The following MAVS variants were observed in gnomAD, a reference collection of about 807,000 sequenced individuals.
The protein encoded by MAVS is mitochondrial antiviral signaling protein, also known as mitochondrial antiviral-signaling protein.
A neutral mutation model predicts 30.2 loss-of-function variants in MAVS; 20 were observed. The ratio of observed to expected loss-of-function variants is 0.66; its 90% CI spans 0.47 to 0.96. The LOEUF (loss-of-function observed/expected upper bound fraction) is 0.96. Ranked by LOEUF, MAVS falls within the 40% of genes least tolerant of loss-of-function variation. The probability of loss-of-function intolerance (pLI) is 0.00; values close to 1 mark genes in which losing one functional copy is unlikely to be tolerated. For missense variants in MAVS, 624 were observed against 701.1 expected (o/e 0.89, Z 1.24); for synonymous variants, 278 against 293.9 (o/e 0.95, Z 0.55).
Position 3,864,497 on chromosome 20 carries a change from A to G in MAVS, c.867A>G (p.Ala289=), listed in dbSNP as rs1417189526. Residue 289 remains alanine, a synonymous_variant, in exon 6 of 7, where the codon GCA becomes GCG. Transcript: ENST00000428216. ...TCATCTGCTCCAGTGGGGCAGAGGCACCTGCCAACTCTCTGCCCTCCAAAG... is the reference window on the plus strand; with the variant it reads ...TCATCTGCTCCAGTGGGGCAGAGGCGCCTGCCAACTCTCTGCCCTCCAAAG... ...EPIICSSGAE[A]PANSLPSKVP... The G allele has an allele frequency of 6.2e-7, 1 of 1,613,880 alleles. No homozygotes were observed. The highest frequency in any genetic ancestry group is 2.2e-5 in the East Asian group (1 of 44,880).
At chr20:3,849,326 C>T (rs563517636) in intron 1 of MAVS, among the ~76,000 whole-genome samples, 1 of 152,060 alleles carries the variant, frequency 6.6e-6, no homozygotes, top group Non-Finnish European at 1.5e-5. Context: ...TCTCCTGCCT[C>T]AGCCTCCCGA....
chr20:3,860,018 C>T (rs563048683), intron 3 of MAVS, among the ~76,000 whole-genome samples: 20 of 151,940 alleles, frequency 1.3e-4, no homozygotes, highest in Non-Finnish European at 2.1e-4. Flanking sequence ...GGGGTTTCAC[C>T]GTGTTAGCCA....
At chr20:3,850,450 C>T (rs1600441109) in intron 1 of MAVS, among the ~76,000 whole-genome samples, 1 of 148,276 alleles carries the variant, frequency 6.7e-6, no homozygotes, top group South Asian at 2.1e-4. Context: ...ATTAGCGGGG[C>T]GTGGTGGCTC....
In MAVS at chr20:3,872,121, T is replaced by C. The variant is rs1261805443; in HGVS notation, c.*5974T>C. On this transcript the variant is annotated 3_prime_UTR_variant, in exon 7 of 7. Coordinates refer to ENST00000428216, the MANE Select transcript of MAVS (RefSeq NM_020746.5). ...TGCCTGTGAACCACAGCTTATCACA[T>C]GTCTGGAGTTAGGGACCCCACTTAA... 1.3e-5 allele frequency: 2 copies of C among 152,260 alleles called. No homozygotes were observed. The highest frequency in any genetic ancestry group is 4.8e-5 in the African/African-American group (2 of 41,402). The allele number at this position is 152,260 out of a possible 1,614,324, so 9.4% of individuals were successfully genotyped here.
chr20:3,858,045 G>A (rs1036198049), intron 3 of MAVS: 8 of 565,794 alleles, frequency 1.4e-5, no homozygotes, highest in Non-Finnish European at 2.6e-5. Context: ...GAAGCTCATG[G>A]CAGCATCTGC....
chr20:3,847,017 G>T (rs2089714897), intron 1 of MAVS, 114 bp downstream of exon 1: 1 of 152,530 alleles, frequency 6.6e-6, no homozygotes, highest in African/African-American at 2.4e-5. Flanking sequence ...GGTCTGGGGT[G>T]CGCGGGGGGC....
chr20:3,853,767 T>G (rs1293832044), intron 1 of MAVS, among the ~76,000 whole-genome samples: 1 of 152,048 alleles, frequency 6.6e-6, no homozygotes, highest in Non-Finnish European at 1.5e-5. Context: ...GCACCCAACT[T>G]GGGTGACAGA....
chr20:3,865,956 CT>C lies in MAVS; in HGVS notation c.1433del (p.Leu478ProfsTer45). ...IHVAENPSIQ[L>X]LEGNPGPPAD... ...CGTGGCTGAGAACCCCAGCATCCAG[CT>C]CCTGGAGGGCAACCCTGGGCCACCT... On this transcript the variant is annotated frameshift_variant, in exon 7 of 7. Coordinates refer to ENST00000428216, the MANE Select transcript of MAVS (RefSeq NM_020746.5). LOFTEE classifies it low-confidence loss of function (END_TRUNC). The surrounding 1 kb of genome is among the most constrained non-coding windows in gnomAD (Gnocchi z 4.7). 1 of 1,613,698 alleles carries C rather than the reference CT, an allele frequency of 6.2e-7. No individual in the cohort carries two copies. Among genetic ancestry groups the C allele is most frequent in the African/African-American group, 1.3e-5 (1 of 75,060 alleles).
rs2089896513 is a variant in MAVS, at chr20:3,865,111, T to C, written c.1158+323T>C. On this transcript the variant is annotated intron_variant, in intron 6 of 6. Coordinates refer to ENST00000428216, the MANE Select transcript of MAVS (RefSeq NM_020746.5). This position sits in a 1 kb window ranked among gnomAD's most constrained non-coding sequence, Gnocchi z 4.7. ...AAGCCGAGCGGTGCCGTTTTGCACA[T>C]AAGGAAGCAGTGACGGGGACAGCAC... Among the ~76,000 whole-genome samples, 1 of 152,146 alleles carries C rather than the reference T, an allele frequency of 6.6e-6. No individual in the cohort carries two copies. The highest frequency in any genetic ancestry group is 1.9e-4 in the East Asian group (1 of 5,188).
At position 3,857,697 on chromosome 20, in the gene MAVS, T is replaced by C. The variant is rs1192091132; in HGVS notation, c.180T>C (p.Asn60=). 2 of 1,614,140 alleles carry C rather than the reference T, an allele frequency of 1.2e-6. No individual in the cohort carries two copies. Among genetic ancestry groups the C allele is most frequent in the Non-Finnish European group, 8.5e-7 (1 of 1,180,050 alleles). The change falls in exon 3 of 7, where the codon AAT becomes AAC. Residue 60 remains asparagine, a synonymous_variant. Transcript: ENST00000428216. ...GNRDTLWHLF[N]TLQRRPGWVE... ...GGGACACCCTCTGGCATCTCTTCAA[T>C]ACCCTTCAGCGGCGGCCCGGCTGGG...
rs67931188 is a variant in MAVS at position 3,859,520 on chromosome 20, A to C, written c.292+1711A>C. Among the ~76,000 whole-genome samples, 180 of 141,824 alleles carry C rather than the reference A, an allele frequency of 1.3e-3. 5 individuals are homozygous for C. In the East Asian group the frequency reaches 0.017, roughly 13 times the overall value. 93.0% of individuals were successfully genotyped at this position (141,824 alleles called of 152,430 possible). ...GAGACTCCGTCTCCAAAAAAAAAAA[A>C]CCCAAAAATAGTGATCCCCTGAATA... On this transcript the variant is annotated intron_variant, in intron 3 of 6. Coordinates refer to ENST00000428216, the MANE Select transcript of MAVS (RefSeq NM_020746.5).
chr20:3,866,310 G>C lies in MAVS; in HGVS notation c.*163G>C. On this transcript the variant is annotated 3_prime_UTR_variant, in exon 7 of 7. Coordinates refer to ENST00000428216, the MANE Select transcript of MAVS (RefSeq NM_020746.5). ...GCAGGACATGCCTTGGCTGAACCAAGTCCTGAGAGCAGCATCTCTGTCCCC... is the reference window on the plus strand; with the variant it reads ...GCAGGACATGCCTTGGCTGAACCAACTCCTGAGAGCAGCATCTCTGTCCCC... 1 of 677,770 alleles carries C rather than the reference G, an allele frequency of 1.5e-6. No homozygotes were observed. The highest frequency in any genetic ancestry group is 2.4e-6 in the Non-Finnish European group (1 of 411,310). The allele number at this position is 677,770 out of a possible 1,614,324, so 42.0% of individuals were successfully genotyped here.
chr20:3,861,003 T>C (rs1029443890), intron 3 of MAVS, among the ~76,000 whole-genome samples: 11 of 149,206 alleles, frequency 7.4e-5, no homozygotes, highest in Non-Finnish European at 1.6e-4. Context: ...TTTCTTTCTT[T>C]TTTTTTTTAG....
chr20:3,847,652 C>G (rs1184863360), intron 1 of MAVS, among the ~76,000 whole-genome samples: 1 of 152,176 alleles, frequency 6.6e-6, no homozygotes, highest in Admixed American at 6.5e-5. Context: ...CATGTGAAAG[C>G]AGGGTTAATG....
At position 3,874,300 on chromosome 20, in the gene MAVS, G is replaced by C; in HGVS notation, c.*8153G>C. 2.5e-6 allele frequency: 1 copy of C among 398,348 alleles called. No individual in the cohort carries two copies. The allele number at this position is 398,348 out of a possible 1,614,324, so 24.7% of individuals were successfully genotyped here. On this transcript the variant is annotated 3_prime_UTR_variant, in exon 7 of 7. Transcript: ENST00000428216. ...AGGGATACTGGGGAGGGGCATCCTG[G>C]AGTGCTGGTCTACCTCATCTGGGTG...
At chr20:3,860,665 A>G in intron 3 of MAVS, among the ~76,000 whole-genome samples, 1 of 148,160 alleles carries the variant, frequency 6.7e-6, no homozygotes, top group Non-Finnish European at 1.5e-5. Context: ...GTGAGCCACC[A>G]CGTCTGGCTT....
At chr20:3,852,690 ATTATTT>A (rs1268948532) in intron 1 of MAVS, among the ~76,000 whole-genome samples, 3 of 151,938 alleles carry the variant, frequency 2.0e-5, no homozygotes, top group African/African-American at 2.4e-5. Context: ...TTGGTCTTCA[ATTATTT>A]TTATTTTTAT....
Position 3,857,715 on chromosome 20 carries a change from C to T in MAVS, c.198C>T (p.Pro66=), listed in dbSNP as rs11905658. The T allele has an allele frequency of 3.5e-3, 5,671 of 1,614,214 alleles. 153 individuals carry two copies. The African/African-American group carries it at 0.066, about 19-fold the overall frequency. ...WHLFNTLQRR[P]GWVEYFIAAL... ...TCTTCAATACCCTTCAGCGGCGGCCCGGCTGGGTGGAGTACTTCATTGCGG... is the reference window on the plus strand; with the variant it reads ...TCTTCAATACCCTTCAGCGGCGGCCTGGCTGGGTGGAGTACTTCATTGCGG... The change falls in exon 3 of 7, where the codon CCC becomes CCT. Residue 66 remains proline, a synonymous_variant. Transcript: ENST00000428216.
intron 1 of MAVS, among the ~76,000 whole-genome samples, chr20:3,853,213 G>A (rs369996413): frequency 2.8e-4 from 41 of 148,186 alleles, no homozygotes; most frequent in Middle Eastern, 3.5e-3. Flanking sequence ...GCGGCCGGGC[G>A]CGGTGGCTCA....
Sources: allele counts gnomAD v4.1 joint callset (sites outside exome capture counted in the v4.1 genomes callset), GRCh38; gene constraint gnomAD v4.1.1; non-coding constraint Gnocchi (gnomAD v3.1); transcripts MANE v1.5; gene names NCBI Gene and HGNC (gene_info 2026-07-23, HGNC 2026-07-21).